NYAP2: variants seen among roughly 807,000 people sequenced by gnomAD.
The protein encoded by NYAP2 is neuronal tyrosine-phosphorylated phosphoinositide-3-kinase adaptor 2, also known as neuronal tyrosine-phosphorylated phosphoinositide-3-kinase adapter 2.
Under a neutral mutation model 50.4 loss-of-function variants are expected in NYAP2, and 23 were observed. The observed-to-expected ratio is 0.46, with a 90% CI of 0.33 to 0.65. The LOEUF (loss-of-function observed/expected upper bound fraction) is 0.65. NYAP2 is among the 30% of genes least tolerant of loss of function. NYAP2 has a pLI of 0.02. For missense variants in NYAP2, 885 were observed against 861.0 expected (o/e 1.03, Z -0.35); for synonymous variants, 394 against 365.2 (o/e 1.08, Z -0.90).
intron 5 of NYAP2, among the ~76,000 whole-genome samples, chr2:225,608,418 A>G (rs1692826918): frequency 6.6e-6 from 1 of 152,074 alleles, no homozygotes; most frequent in Non-Finnish European, 1.5e-5. Flanking sequence ...CTCTTGGGTG[A>G]ATCTTCCTTT....
chr2:225,640,562 T>C (rs1245807267), intron 6 of NYAP2, among the ~76,000 whole-genome samples: 1 of 152,218 alleles, frequency 6.6e-6, no homozygotes, highest in Non-Finnish European at 1.5e-5. Context: ...TGCTGCTTTG[T>C]GAAATTTCGT....
At chr2:225,632,255 C>T (rs1180519659) in intron 6 of NYAP2, among the ~76,000 whole-genome samples, 9 of 152,166 alleles carry the variant, frequency 5.9e-5, no homozygotes, top group Admixed American at 5.9e-4. Context: ...TGTTTCTCCT[C>T]CTTCTCTTTA....
chr2:225,603,544 C>G (rs2106243244), intron 5 of NYAP2, among the ~76,000 whole-genome samples: 1 of 152,274 alleles, frequency 6.6e-6, no homozygotes, highest in Middle Eastern at 3.4e-3. Flanking sequence ...TCACTGCAAT[C>G]TCCTCCTTCA....
At chr2:225,630,127 A>G (rs887471643) in intron 6 of NYAP2, among the ~76,000 whole-genome samples, 5 of 152,144 alleles carry the variant, frequency 3.3e-5, no homozygotes, top group African/African-American at 1.2e-4. Flanking sequence ...GGGATGGAAC[A>G]AAGTGTTTGG....
chr2:225,657,744 CTTTAG>C (rs1375267691), downstream of NYAP2, among the ~76,000 whole-genome samples: 8 of 152,212 alleles, frequency 5.3e-5, no homozygotes, highest in East Asian at 1.6e-3. Flanking sequence ...GTCATGCACA[CTTTAG>C]TTTAGCCCCT....
intron 5 of NYAP2, among the ~76,000 whole-genome samples, chr2:225,589,923 T>C (rs1358234904): frequency 6.6e-6 from 1 of 152,034 alleles, no homozygotes; most frequent in African/African-American, 2.4e-5. Flanking sequence ...TGCAGGCATG[T>C]TGACTTTGGG....
chr2:225,455,940 ATGCGT>A (rs1406426214), intron 3 of NYAP2, among the ~76,000 whole-genome samples: 5 of 152,334 alleles, frequency 3.3e-5, no homozygotes, highest in African/African-American at 1.2e-4. Context: ...AAAGAGTCTG[ATGCGT>A]TCATTCTCTT....
intron 4 of NYAP2, among the ~76,000 whole-genome samples, chr2:225,551,118 T>C (rs751583846): frequency 1.3e-5 from 2 of 152,232 alleles, no homozygotes; most frequent in Non-Finnish European, 2.9e-5. Flanking sequence ...ATTTAACAGA[T>C]AATAATGGTT....
At chr2:225,611,183 A>C (rs1226546999) in intron 5 of NYAP2, among the ~76,000 whole-genome samples, 1 of 152,148 alleles carries the variant, frequency 6.6e-6, no homozygotes, top group Non-Finnish European at 1.5e-5. Context: ...TCAACCATCA[A>C]AACCCCTAGT....
intron 3 of NYAP2, among the ~76,000 whole-genome samples, chr2:225,424,451 A>G (rs968187): frequency 0.16 from 23,818 of 151,990 alleles, 3,166 homozygotes; most frequent in African/African-American, 0.37. Context: ...TCATAAATTA[A>G]CATAGAAATT....
chr2:225,450,550 T>C (rs908639), intron 3 of NYAP2, among the ~76,000 whole-genome samples: 120,417 of 152,112 alleles, frequency 0.79, 48,146 homozygotes, highest in African/African-American at 0.83. Context: ...AGGTTCAAAC[T>C]CCAGCTCCGC....
chr2:225,672,840 G>C, the NYAP2 span, among the ~76,000 whole-genome samples: 3 of 152,120 alleles, frequency 2.0e-5, no homozygotes, highest in African/African-American at 7.2e-5. Flanking sequence ...TGGTGGAGCA[G>C]TGAGAACACG....
intron 3 of NYAP2, among the ~76,000 whole-genome samples, chr2:225,470,118 T>C (rs1216074921): frequency 6.6e-6 from 1 of 152,314 alleles, no homozygotes; most frequent in South Asian, 2.1e-4. Flanking sequence ...AATACATAAA[T>C]GTAAGTAATT....
chr2:225,657,014 G>T (rs1213174940), downstream of NYAP2, among the ~76,000 whole-genome samples: 1 of 151,760 alleles, frequency 6.6e-6, no homozygotes, highest in South Asian at 2.1e-4. Context: ...CATAAAACAT[G>T]CCTGGGAGCC....
chr2:225,535,631 G>A (rs1161996299), intron 4 of NYAP2, among the ~76,000 whole-genome samples: 1 of 152,154 alleles, frequency 6.6e-6, no homozygotes. Flanking sequence ...TGGTCTGAGT[G>A]GAAGAGTGGC....
intron 4 of NYAP2, among the ~76,000 whole-genome samples, chr2:225,549,814 G>A (rs1335322409): frequency 3.3e-5 from 5 of 151,748 alleles, no homozygotes; most frequent in Admixed American, 6.6e-5. Flanking sequence ...AAACCCCCCT[G>A]TTTGTACTAA....
At chr2:225,508,080 G>C (rs374575566) in intron 3 of NYAP2, among the ~76,000 whole-genome samples, 2 of 152,292 alleles carry the variant, frequency 1.3e-5, no homozygotes, top group East Asian at 3.9e-4. Context: ...TTTTGTAATG[G>C]AATAACTAAC....
chr2:225,563,922 G>A (rs532421090), intron 4 of NYAP2, among the ~76,000 whole-genome samples: 14 of 152,098 alleles, frequency 9.2e-5, no homozygotes, highest in Non-Finnish European at 1.3e-4. Context: ...AAAGCCACAC[G>A]GGGAATAATC....
chr2:225,629,741 C>A (rs1401149061), intron 6 of NYAP2, among the ~76,000 whole-genome samples: 1 of 152,066 alleles, frequency 6.6e-6, no homozygotes, highest in African/African-American at 2.4e-5. Context: ...TTTATGAGAA[C>A]CCACTCTCTC....
Sources: allele counts gnomAD v4.1 joint callset (sites outside exome capture counted in the v4.1 genomes callset), GRCh38; gene constraint gnomAD v4.1.1; transcripts MANE v1.5; gene names NCBI Gene and HGNC (gene_info 2026-07-23, HGNC 2026-07-21).